The following CLSTN1 variants were observed in gnomAD, a reference collection of about 807,000 sequenced individuals.
CLSTN1 encodes the protein calsyntenin 1.
Under a neutral mutation model 108.3 loss-of-function variants are expected in CLSTN1, and 28 were observed. That is an observed-to-expected ratio of 0.26 (90% CI 0.19 to 0.35). The LOEUF (loss-of-function observed/expected upper bound fraction) is 0.35. CLSTN1 is among the 10% of genes least tolerant of loss of function. CLSTN1 has a pLI of 1.00. For synonymous variants in CLSTN1, 524 were observed against 534.9 expected, an observed-to-expected ratio of 0.98 and a Z score of 0.28; for missense variants, 1,157 against 1,302.6, an observed-to-expected ratio of 0.89 and a Z score of 1.72.
chr1:9,753,862 G>C (rs1357029963), intron 4 of CLSTN1, among the ~76,000 whole-genome samples: 1 of 151,552 alleles, frequency 6.6e-6, no homozygotes. Context: ...ACTCAGACTG[G>C]AGTACAGTGG....
chr1:9,755,019 A>C, intron 4 of CLSTN1, 95 bp downstream of exon 4: 1 of 995,868 alleles, frequency 1.0e-6, no homozygotes. Flanking sequence ...TTTCAAAAAC[A>C]GTCTTGGGGA....
intron 4 of CLSTN1, among the ~76,000 whole-genome samples, chr1:9,753,509 G>C (rs1275923178): frequency 2.2e-5 from 3 of 136,742 alleles, no homozygotes; most frequent in Non-Finnish European, 3.2e-5. Context: ...TTTTTTTTTT[G>C]AGACGGAGTT....
chr1:9,758,622 C>G (rs1285529378), intron 2 of CLSTN1, among the ~76,000 whole-genome samples: 1 of 152,154 alleles, frequency 6.6e-6, no homozygotes, highest in Non-Finnish European at 1.5e-5. Context: ...CCATGACTTG[C>G]TTTTTCATGC....
At chr1:9,816,868 T>C (rs371841271) in intron 1 of CLSTN1, among the ~76,000 whole-genome samples, 3 of 152,250 alleles carry the variant, frequency 2.0e-5, no homozygotes, top group Admixed American at 6.5e-5. Context: ...GCTGGTCTCT[T>C]TCTCCCAACC....
Position 9,795,326 on chromosome 1 carries a change from C to T in CLSTN1, c.92-21932G>A, listed in dbSNP as rs570687998. 3.0e-3 allele frequency among the ~76,000 whole-genome samples: 447 copies of T among 151,008 alleles called. 5 individuals are homozygous for T. The highest frequency in any genetic ancestry group is 0.01 in the African/African-American group (427 of 41,444). On this transcript the variant is annotated intron_variant, in intron 1 of 18. Transcript: ENST00000377298. The stretch of plus-strand genomic sequence containing the variant: ...GATTACAGGCATGCGCCACCACGCC[C>T]GGCTAATTTTTGTATTTTTAGTAGA...
intron 7 of CLSTN1, among the ~76,000 whole-genome samples, chr1:9,748,583 G>C (rs1246136277): frequency 6.6e-6 from 1 of 152,202 alleles, no homozygotes; most frequent in Non-Finnish European, 1.5e-5. Flanking sequence ...CACCTCCTGG[G>C]CTCAAGCGAT....
At position 9,736,007 on chromosome 1, in the gene CLSTN1, T is replaced by A; in HGVS notation, c.1612A>T (p.Asn538Tyr). 1.9e-6 allele frequency: 3 copies of A among 1,614,130 alleles called. No homozygotes were observed. The highest frequency in any genetic ancestry group is 2.5e-6 in the Non-Finnish European group (3 of 1,180,016). ...GAACGGAGAGTTAAGCCAGCCAGAT[T>A]GCCTCGGAAAAACTGGGTCATGTGC... Reference protein sequence around the residue: ...DLHMTQFFRGNLAGLTLRSGK... With the variant: ...DLHMTQFFRGYLAGLTLRSGK... Residue 538 changes from asparagine (N) to tyrosine (Y), a missense_variant, in exon 12 of 19, where the codon AAT (asparagine) becomes TAT (tyrosine). Physicochemically the swap from Asn to Tyr is moderately radical, Grantham distance 143. Coordinates refer to ENST00000377298, the MANE Select transcript of CLSTN1 (RefSeq NM_001009566.3).
At chr1:9,731,997 G>A in intron 16 of CLSTN1, 101 bp from the exon 17 acceptor site, 2 of 1,446,516 alleles carry the variant, frequency 1.4e-6, no homozygotes, top group Non-Finnish European at 1.9e-6. Context: ...GCCACTCAGA[G>A]TGGCTCCTGG....
intron 1 of CLSTN1, among the ~76,000 whole-genome samples, chr1:9,821,549 C>A (rs953909119): frequency 4.6e-5 from 7 of 152,210 alleles, no homozygotes; most frequent in African/African-American, 1.7e-4. Flanking sequence ...CTGCAGCAGT[C>A]TGTACGTAAT....
At chr1:9,744,296 G>C in intron 8 of CLSTN1, 99 bp downstream of exon 8, 2 of 1,489,372 alleles carry the variant, frequency 1.3e-6, no homozygotes, top group Non-Finnish European at 1.8e-6. Flanking sequence ...ACGAGCACCA[G>C]GCTGGCAGGG....
chr1:9,763,150 C>T (rs549329262), intron 2 of CLSTN1, among the ~76,000 whole-genome samples: 1 of 152,086 alleles, frequency 6.6e-6, no homozygotes, highest in South Asian at 2.1e-4. Flanking sequence ...TTAGTAGAGA[C>T]AGGGTTTCAC....
intron 1 of CLSTN1, among the ~76,000 whole-genome samples, chr1:9,789,464 G>A (rs1653661707): frequency 6.6e-6 from 1 of 151,384 alleles, no homozygotes; most frequent in Non-Finnish European, 1.5e-5. Flanking sequence ...GTAGACAACA[G>A]AGAGTAAGAA....
chr1:9,822,756 G>A lies in CLSTN1; in HGVS notation c.91+887C>T, dbSNP rs796811320. 2.8e-4 allele frequency among the ~76,000 whole-genome samples: 42 copies of A among 152,294 alleles called. No individual in the cohort carries two copies. The South Asian group carries it at 8.3e-3, about 30-fold the overall frequency. ...AAGGTTAAGTGGATGAAGGTTAAAA[G>A]CTAATAATAAATTAGCCAAGAAATA... On this transcript the variant is annotated intron_variant, in intron 1 of 18. Transcript: ENST00000377298.
At chr1:9,797,820 T>C (rs925376729) in intron 1 of CLSTN1, among the ~76,000 whole-genome samples, 7 of 152,084 alleles carry the variant, frequency 4.6e-5, no homozygotes, top group East Asian at 1.9e-4. Flanking sequence ...CAGCTACTGA[T>C]TGGCGGTTCC....
intron 7 of CLSTN1, among the ~76,000 whole-genome samples, chr1:9,745,151 C>T (rs566734847): frequency 6.6e-6 from 1 of 150,772 alleles, no homozygotes; most frequent in South Asian, 2.1e-4. Context: ...CAGGCGTGAA[C>T]CCGGGAAGCG....
At chr1:9,772,525 AC>A (rs1456709861) in intron 2 of CLSTN1, among the ~76,000 whole-genome samples, 1 of 152,128 alleles carries the variant, frequency 6.6e-6, no homozygotes, top group African/African-American at 2.4e-5. Context: ...TTAAAAATTA[AC>A]TTTACAATGT....
rs1342441243 is a variant in CLSTN1, at chr1:9,773,275, C to T, written c.211G>A (p.Ala71Thr). Residue 71 changes from alanine (A) to threonine (T), a missense_variant, in exon 2 of 19, where the codon GCA (alanine) becomes ACA (threonine). Ala to Thr is a moderately conservative substitution (Grantham distance 58, BLOSUM62 0). Transcript: ENST00000377298. ...TCAATGAAAGCCCCGTTCCTACCTG[C>T]AAATCGCAGAGGCGCATCTTTATCC... is the stretch of plus-strand genomic sequence containing the variant. ...ALDKDAPLRF[A>T]ESFEVTVTKE... is the part of the protein sequence containing the mutation. The T allele has an allele frequency of 2.5e-6, 4 of 1,613,994 alleles. No individual in the cohort carries two copies. Among genetic ancestry groups the T allele is most frequent in the Non-Finnish European group, 3.4e-6 (4 of 1,179,934 alleles).
At chr1:9,737,431 C>G in intron 11 of CLSTN1, 67 bp downstream of exon 11, 2 of 1,444,502 alleles carry the variant, frequency 1.4e-6, no homozygotes, top group Non-Finnish European at 1.9e-6. Context: ...TCATGCGACA[C>G]GTGGAATGAA....
chr1:9,801,045 G>A (rs972936718), intron 1 of CLSTN1, among the ~76,000 whole-genome samples: 8 of 151,812 alleles, frequency 5.3e-5, no homozygotes, highest in South Asian at 2.1e-4. Flanking sequence ...TCAGGAGTTC[G>A]AGACCACCCT....
Sources: allele counts gnomAD v4.1 joint callset (sites outside exome capture counted in the v4.1 genomes callset), GRCh38; gene constraint gnomAD v4.1.1; transcripts MANE v1.5; gene names NCBI Gene and HGNC (gene_info 2026-07-23, HGNC 2026-07-21).